Variants in BRINP3 observed in about 807,000 individuals in gnomAD.
BRINP3 encodes the protein BMP/retinoic acid inducible neural specific 3, also known as BMP/retinoic acid-inducible neural-specific protein 3.
Under a neutral mutation model 71.0 loss-of-function variants are expected in BRINP3, and 19 were observed. That is an observed-to-expected ratio of 0.27 (90% CI 0.19 to 0.39). The LOEUF (loss-of-function observed/expected upper bound fraction) is 0.39, where lower values mean the gene tolerates loss of function less well. Ranked by LOEUF, BRINP3 falls within the 10% of genes least tolerant of loss-of-function variation. The pLI is 1.00. For synonymous variants in BRINP3, 380 were observed against 337.7 expected (o/e 1.13, Z -1.37); for missense variants, 959 against 940.8 (o/e 1.02, Z -0.25).
chr1:190,135,949 T>C (rs574719003), intron 7 of BRINP3, among the ~76,000 whole-genome samples: 1 of 152,040 alleles, frequency 6.6e-6, no homozygotes, highest in African/African-American at 2.4e-5. Context: ...AGTAGCTAAC[T>C]TCTTGTGGAA....
In BRINP3 at chr1:190,425,998, G is replaced by C. The variant is rs545449733; in HGVS notation, c.236+28657C>G. Among the ~76,000 whole-genome samples, 12 of 151,776 alleles carry C rather than the reference G, an allele frequency of 7.9e-5. No homozygotes were observed. In the South Asian group the frequency reaches 2.5e-3, roughly 31 times the overall value. On this transcript the variant is annotated intron_variant, in intron 2 of 7. Coordinates refer to ENST00000367462, the MANE Select transcript of BRINP3 (RefSeq NM_199051.3). ...AAATGCATTGGCATATACAATGTCAGTATTGCAAAAAAAGTTCTGCAATTA... is the reference window on the plus strand; with the variant it reads ...AAATGCATTGGCATATACAATGTCACTATTGCAAAAAAAGTTCTGCAATTA...
chr1:190,264,677 AT>A (rs934658527), intron 4 of BRINP3, among the ~76,000 whole-genome samples, 187 bp downstream of exon 4: 1 of 152,196 alleles, frequency 6.6e-6, no homozygotes, highest in African/African-American at 2.4e-5. Context: ...TATCAAGTAA[AT>A]ATTATATTGA....
At chr1:190,473,737 A>G (rs1327921830) in intron 1 of BRINP3, among the ~76,000 whole-genome samples, 2 of 151,232 alleles carry the variant, frequency 1.3e-5, no homozygotes, top group Non-Finnish European at 3.0e-5. Context: ...AAAATGTAAA[A>G]TAAATTTATT....
At chr1:190,348,012 T>C (rs1668135680) in intron 2 of BRINP3, among the ~76,000 whole-genome samples, 2 of 152,034 alleles carry the variant, frequency 1.3e-5, no homozygotes, top group Admixed American at 1.3e-4. Flanking sequence ...ATATAGAAAA[T>C]GGAGTAGAAC....
intron 3 of BRINP3, among the ~76,000 whole-genome samples, chr1:190,267,943 C>T (rs1349586827): frequency 6.6e-6 from 1 of 151,940 alleles, no homozygotes; most frequent in African/African-American, 2.4e-5. Context: ...TTTTTATAAA[C>T]TGAGTGTAAG....
rs77736677 is a variant in BRINP3 at position 190,335,305 on chromosome 1, G to A, written c.237-53555C>T. On this transcript the variant is annotated intron_variant, in intron 2 of 7. Transcript: ENST00000367462. ...AGGATATTTCTTCAGTCACTTACCC[G>A]ATAGAGGCTAAAGTTAAACTTTTAC... 3.5e-3 allele frequency among the ~76,000 whole-genome samples: 535 copies of A among 151,936 alleles called. 6 individuals carry two copies. The highest frequency in any genetic ancestry group is 0.012 in the African/African-American group (481 of 41,524).
chr1:190,323,933 A>C (rs958310911), intron 2 of BRINP3, among the ~76,000 whole-genome samples: 1 of 152,050 alleles, frequency 6.6e-6, no homozygotes, highest in Non-Finnish European at 1.5e-5. Flanking sequence ...GTTGAAAAGA[A>C]AACAAATAAA....
intron 1 of BRINP3, among the ~76,000 whole-genome samples, chr1:190,457,919 TAAA>T (rs775536383): frequency 7.2e-6 from 1 of 138,814 alleles, no homozygotes; most frequent in Admixed American, 7.3e-5. Flanking sequence ...ATCCCCTCAT[TAAA>T]AAAAAAAAAA....
chr1:190,384,934 T>C (rs1477856227), intron 2 of BRINP3, among the ~76,000 whole-genome samples: 1 of 151,988 alleles, frequency 6.6e-6, no homozygotes, highest in East Asian at 1.9e-4. Context: ...AACTATCTGA[T>C]CTTTGACAAA....
chr1:190,300,009 A>T (rs1664554835), intron 2 of BRINP3, among the ~76,000 whole-genome samples: 1 of 151,910 alleles, frequency 6.6e-6, no homozygotes, highest in Non-Finnish European at 1.5e-5. Context: ...AACTTTGGTG[A>T]ATCTGACAAT....
chr1:190,220,604 A>G (rs577273255), intron 6 of BRINP3, among the ~76,000 whole-genome samples: 2 of 152,122 alleles, frequency 1.3e-5, no homozygotes, highest in Non-Finnish European at 2.9e-5. Context: ...GTCTGGCGAC[A>G]AACTTCTCAA....
chr1:190,450,925 C>T (rs780183503), intron 2 of BRINP3, among the ~76,000 whole-genome samples: 35 of 152,062 alleles, frequency 2.3e-4, no homozygotes, highest in Non-Finnish European at 3.7e-4. Context: ...TTTAGACCAT[C>T]TTGTCTTTCC....
At chr1:190,337,304 G>T (rs1218279239) in intron 2 of BRINP3, among the ~76,000 whole-genome samples, 2 of 151,968 alleles carry the variant, frequency 1.3e-5, no homozygotes, top group Non-Finnish European at 2.9e-5. Flanking sequence ...ACTCTGTGAT[G>T]GTTACTATTG....
intron 2 of BRINP3, among the ~76,000 whole-genome samples, chr1:190,366,899 A>T (rs1669540278): frequency 6.6e-6 from 1 of 152,202 alleles, no homozygotes; most frequent in Non-Finnish European, 1.5e-5. Flanking sequence ...AGCCTTGGGC[A>T]GCTCCATCCC....
At chr1:190,467,389 G>T (rs775975627) in intron 1 of BRINP3, among the ~76,000 whole-genome samples, 4 of 151,518 alleles carry the variant, frequency 2.6e-5, no homozygotes, top group Admixed American at 6.6e-5. Flanking sequence ...AAACAGAAGT[G>T]ATCGACAACA....
intron 2 of BRINP3, among the ~76,000 whole-genome samples, chr1:190,433,225 T>C (rs1674221447): frequency 6.6e-6 from 1 of 152,170 alleles, no homozygotes. Context: ...TGCTCTGTAA[T>C]CCATTCTCTT....
chr1:190,249,474 CA>C (rs1274327665), intron 4 of BRINP3, among the ~76,000 whole-genome samples: 5 of 151,538 alleles, frequency 3.3e-5, no homozygotes, highest in South Asian at 2.1e-4. Context: ...CTTATTAAAA[CA>C]AAAAAATTAA....
chr1:190,393,980 T>A (rs1182620417), intron 2 of BRINP3, among the ~76,000 whole-genome samples: 2 of 151,630 alleles, frequency 1.3e-5, no homozygotes, highest in African/African-American at 4.8e-5. Context: ...ACTATTTAAC[T>A]TGAGAAATTA....
At chr1:190,405,720 T>C (rs1179552595) in intron 2 of BRINP3, among the ~76,000 whole-genome samples, 1 of 152,144 alleles carries the variant, frequency 6.6e-6, no homozygotes, top group Admixed American at 6.6e-5. Flanking sequence ...CACAATAATA[T>C]TGTTCTATTA....
Sources: allele counts gnomAD v4.1 joint callset (sites outside exome capture counted in the v4.1 genomes callset), GRCh38; gene constraint gnomAD v4.1.1; transcripts MANE v1.5; gene names NCBI Gene and HGNC (gene_info 2026-07-23, HGNC 2026-07-21).